The following LYPLAL1 variants were observed in gnomAD, a reference collection of about 807,000 sequenced individuals.
LYPLAL1 encodes the protein lysophospholipase like 1.
A neutral mutation model predicts 19.7 loss-of-function variants in LYPLAL1; 23 were observed. The observed-to-expected ratio is 1.17, with a 90% confidence interval of 0.84 to 1.65. LYPLAL1 has a LOEUF of 1.65. Ranked by LOEUF, LYPLAL1 falls within the 40% of genes most tolerant of loss-of-function variation. The probability of loss-of-function intolerance (pLI) is 0.00; values close to 1 mark genes in which losing one functional copy is unlikely to be tolerated. For synonymous variants in LYPLAL1, 119 were observed against 96.3 expected, an observed-to-expected ratio of 1.24 and a Z score of -1.38; for missense variants, 355 against 279.4, an observed-to-expected ratio of 1.27 and a Z score of -1.93.
chr1:219,390,939 T>A, the LYPLAL1 span, among the ~76,000 whole-genome samples: 2 of 152,156 alleles, frequency 1.3e-5, no homozygotes, highest in South Asian at 4.1e-4. Context: ...TCACCCCTTT[T>A]CAATCTCTAC....
At chr1:219,420,796 AT>A in the LYPLAL1 span, among the ~76,000 whole-genome samples, 5 of 152,044 alleles carry the variant, frequency 3.3e-5, no homozygotes, top group African/African-American at 9.7e-5. Context: ...ATCTTTTAAA[AT>A]TTTTTTCTAA....
the LYPLAL1 span, among the ~76,000 whole-genome samples, chr1:219,425,169 G>A: frequency 6.6e-6 from 1 of 152,074 alleles, no homozygotes. Flanking sequence ...AGGGTGCAAG[G>A]GGCAAGGGGC....
the LYPLAL1 span, among the ~76,000 whole-genome samples, chr1:219,304,241 A>G: frequency 6.6e-6 from 1 of 152,212 alleles, no homozygotes; most frequent in Admixed American, 6.5e-5. Flanking sequence ...TCATATCTTA[A>G]TATATTTGTG....
At chr1:219,387,731 G>A in the LYPLAL1 span, among the ~76,000 whole-genome samples, 4 of 152,132 alleles carry the variant, frequency 2.6e-5, no homozygotes, top group African/African-American at 9.7e-5. Context: ...ATGTGATGGT[G>A]GGGAATATGT....
At chr1:219,380,666 A>G in the LYPLAL1 span, among the ~76,000 whole-genome samples, 1 of 152,268 alleles carries the variant, frequency 6.6e-6, no homozygotes, top group Non-Finnish European at 1.5e-5. Flanking sequence ...AGCATTGCAC[A>G]ATGGTCTGAA....
the LYPLAL1 span, among the ~76,000 whole-genome samples, chr1:219,319,301 C>T: frequency 1.2e-3 from 178 of 152,188 alleles, no homozygotes; most frequent in Non-Finnish European, 2.2e-3. Context: ...AGCCTCTGAC[C>T]CGTGGAGAAG....
At chr1:219,205,298 A>G (rs1459286557) in intron 3 of LYPLAL1, among the ~76,000 whole-genome samples, 1 of 146,766 alleles carries the variant, frequency 6.8e-6, no homozygotes. Context: ...CGGAGCTTGC[A>G]GTGAGCCGAG....
intron 3 of LYPLAL1, among the ~76,000 whole-genome samples, chr1:219,196,133 A>G (rs1287888726): frequency 6.6e-6 from 1 of 152,086 alleles, no homozygotes; most frequent in African/African-American, 2.4e-5. Context: ...GCTGCAGTGG[A>G]CATATGTGTG....
chr1:219,252,137 A>G, the LYPLAL1 span, among the ~76,000 whole-genome samples: 1 of 152,028 alleles, frequency 6.6e-6, no homozygotes, highest in Non-Finnish European at 1.5e-5. Flanking sequence ...TTGATTTTGT[A>G]TCCTGAGGCA....
the LYPLAL1 span, among the ~76,000 whole-genome samples, chr1:219,263,517 G>A: frequency 6.6e-6 from 1 of 152,104 alleles, no homozygotes; most frequent in Non-Finnish European, 1.5e-5. Flanking sequence ...AGCAATTCCT[G>A]TTTGTCCCCT....
chr1:219,225,953 T>C, the LYPLAL1 span, among the ~76,000 whole-genome samples: 1 of 152,222 alleles, frequency 6.6e-6, no homozygotes, highest in Admixed American at 6.6e-5. Context: ...TTATTCCTTC[T>C]ACCTGGAATG....
At chr1:219,231,110 CCTT>C in the LYPLAL1 span, among the ~76,000 whole-genome samples, 4 of 152,180 alleles carry the variant, frequency 2.6e-5, no homozygotes, top group Non-Finnish European at 4.4e-5. Flanking sequence ...TTAAATTAGT[CCTT>C]CTTGCTGGTA....
the LYPLAL1 span, among the ~76,000 whole-genome samples, chr1:219,420,887 C>A: frequency 6.6e-6 from 1 of 152,172 alleles, no homozygotes; most frequent in African/African-American, 2.4e-5. Context: ...GTAGATGTAG[C>A]ATGCTCTTTC....
the LYPLAL1 span, among the ~76,000 whole-genome samples, chr1:219,257,228 A>C: frequency 6.6e-6 from 1 of 152,026 alleles, no homozygotes; most frequent in Admixed American, 6.6e-5. Context: ...AGGCTATGTT[A>C]ATAGCTGTAT....
chr1:219,283,416 C>T, the LYPLAL1 span, among the ~76,000 whole-genome samples: 2 of 152,082 alleles, frequency 1.3e-5, no homozygotes, highest in African/African-American at 4.8e-5. Context: ...AAACGTGGAG[C>T]TAAGTACAAA....
At chr1:219,347,517 G>T in the LYPLAL1 span, among the ~76,000 whole-genome samples, 2 of 152,130 alleles carry the variant, frequency 1.3e-5, no homozygotes, top group Non-Finnish European at 2.9e-5. Flanking sequence ...AGACTGTCCA[G>T]GCTTTGTTAC....
the LYPLAL1 span, among the ~76,000 whole-genome samples, chr1:219,233,336 G>A: frequency 2.0e-5 from 3 of 152,194 alleles, no homozygotes; most frequent in African/African-American, 7.2e-5. Context: ...GTAGTTGCCT[G>A]GGGATAAAGG....
the LYPLAL1 span, among the ~76,000 whole-genome samples, chr1:219,298,856 G>A: frequency 6.6e-6 from 1 of 152,106 alleles, no homozygotes; most frequent in South Asian, 2.1e-4. Context: ...ATTTTTATCT[G>A]GAAGAGTAAT....
the LYPLAL1 span, among the ~76,000 whole-genome samples, chr1:219,399,170 G>A: frequency 2.0e-5 from 3 of 152,188 alleles, no homozygotes; most frequent in Non-Finnish European, 4.4e-5. Context: ...GTGAGCTGGG[G>A]CGGGGGGGCC....
Sources: allele counts gnomAD v4.1 joint callset (sites outside exome capture counted in the v4.1 genomes callset), GRCh38; gene constraint gnomAD v4.1.1; transcripts MANE v1.5; gene names NCBI Gene and HGNC (gene_info 2026-07-23, HGNC 2026-07-21).